Variants in ARNT2 observed in about 807,000 individuals in gnomAD.
The protein encoded by ARNT2 is aryl hydrocarbon receptor nuclear translocator 2.
In ARNT2, 36 loss-of-function variants were observed where a neutral mutation model predicts 91.7. That is an observed-to-expected ratio of 0.39 (90% CI 0.30 to 0.52). The LOEUF (loss-of-function observed/expected upper bound fraction) is 0.52, where lower values mean the gene tolerates loss of function less well. Ranked by LOEUF, ARNT2 falls within the 20% of genes least tolerant of loss-of-function variation. The pLI, the probability that ARNT2 is intolerant of heterozygous loss-of-function variation, is 0.72. For synonymous variants in ARNT2, 365 were observed against 347.1 expected (o/e 1.05, Z -0.57); for missense variants, 775 against 939.3 (o/e 0.83, Z 2.29).
chr15:80,458,829 C>T (rs1896514853), intron 3 of ARNT2, among the ~76,000 whole-genome samples: 1 of 152,176 alleles, frequency 6.6e-6, no homozygotes, highest in Admixed American at 6.6e-5. Flanking sequence ...GCCTCCAAGC[C>T]TTCCTAATTC....
At chr15:80,551,396 G>A (rs1455053439) in intron 9 of ARNT2, 121 bp downstream of exon 9, 23 of 930,152 alleles carry the variant, frequency 2.5e-5, no homozygotes, top group South Asian at 3.0e-5. Flanking sequence ...GTTGGGTTTC[G>A]TGTCTCACTC....
intron 10 of ARNT2, among the ~76,000 whole-genome samples, chr15:80,554,386 G>C (rs934862807): frequency 6.6e-6 from 1 of 152,058 alleles, no homozygotes; most frequent in African/African-American, 2.4e-5. Flanking sequence ...TCCAGCCTGG[G>C]GGACAAGAGT....
intron 5 of ARNT2, among the ~76,000 whole-genome samples, chr15:80,500,337 A>G (rs1897173793): frequency 6.6e-6 from 1 of 152,220 alleles, no homozygotes; most frequent in South Asian, 2.1e-4. Flanking sequence ...ATTGTCCTTC[A>G]TGGGGCCATC....
At chr15:80,518,237 A>G (rs749261978) in intron 8 of ARNT2, among the ~76,000 whole-genome samples, 7 of 130,532 alleles carry the variant, frequency 5.4e-5, no homozygotes, top group Non-Finnish European at 1.0e-4. Context: ...TTTCTCTCCT[A>G]CTACCTTTGG....
At chr15:80,587,749 G>A (rs1377803027) in intron 17 of ARNT2, among the ~76,000 whole-genome samples, 9 of 152,166 alleles carry the variant, frequency 5.9e-5, no homozygotes, top group African/African-American at 2.2e-4. Context: ...AATTATCTAG[G>A]CACAGAGAAG....
rs986114934 is a variant in ARNT2 at position 80,472,659 on chromosome 15, G to T, written c.408+2228G>T. On this transcript the variant is annotated intron_variant, in intron 4 of 18. Transcript: ENST00000303329. ...TGCCACTTGGAGGACACAAACTGTG[G>T]TGGTCAGGGCAGGAGCTTCAAGCCT... Among the ~76,000 whole-genome samples the T allele has an allele frequency of 5.9e-5, 9 of 152,212 alleles. 1 individual carries two copies. Among genetic ancestry groups the T allele is most frequent in the Admixed American group, 2.6e-4 (4 of 15,286 alleles).
chr15:80,457,144 A>T (rs1313614893), intron 2 of ARNT2, among the ~76,000 whole-genome samples: 1 of 152,218 alleles, frequency 6.6e-6, no homozygotes, highest in African/African-American at 2.4e-5. Context: ...CATTACAGAG[A>T]CATGATTTTT....
At chr15:80,451,759 A>AC (rs1896396368) in intron 2 of ARNT2, among the ~76,000 whole-genome samples, 1 of 151,772 alleles carries the variant, frequency 6.6e-6, no homozygotes. Context: ...CCAACCAACT[A>AC]CCCCCCAACC....
At position 80,591,396 on chromosome 15, in the gene ARNT2, A is replaced by G. The variant is rs966923770; in HGVS notation, c.1919-172A>G. Among the ~76,000 whole-genome samples the G allele has an allele frequency of 6.6e-6, 1 of 152,138 alleles. No homozygotes were observed. Among genetic ancestry groups the G allele is most frequent in the Admixed American group, 6.5e-5 (1 of 15,278 alleles). ...GGCTCCTGTGTCTCTTATCCACTCC[A>G]TTTATGATCTGTCAGCCAGTGAGAA... On this transcript the variant is annotated intron_variant, in intron 17 of 18. Coordinates refer to ENST00000303329, the MANE Select transcript of ARNT2 (RefSeq NM_014862.4). The surrounding 1 kb of genome is among the most constrained non-coding windows in gnomAD (Gnocchi z 5.1).
intron 8 of ARNT2, among the ~76,000 whole-genome samples, chr15:80,540,899 G>A (rs1897894496): frequency 3.9e-5 from 6 of 152,104 alleles, no homozygotes; most frequent in Admixed American, 3.9e-4. Context: ...GTCCACTCTA[G>A]ATGGGCACCT....
At position 80,591,719 on chromosome 15, in the gene ARNT2, C is replaced by T. The variant is rs747073512; in HGVS notation, c.2055+15C>T. On this transcript the variant is annotated intron_variant, in intron 18 of 18. Transcript: ENST00000303329. The surrounding 1 kb of genome is among the most constrained non-coding windows in gnomAD (Gnocchi z 5.1). Reference sequence around the variant, plus strand: ...AAGTGTTCCAGGTAAATCGAGCGAGCACCGCCTTCTCGTAGGTACCGGCGC... The same window carrying T: ...AAGTGTTCCAGGTAAATCGAGCGAGTACCGCCTTCTCGTAGGTACCGGCGC... The T allele has an allele frequency of 6.2e-7, 1 of 1,613,670 alleles. No homozygotes were observed. Among genetic ancestry groups the T allele is most frequent in the East Asian group, 2.2e-5 (1 of 44,836 alleles).
chr15:80,470,472 T>C lies in ARNT2; in HGVS notation c.408+41T>C, dbSNP rs1355344357. On this transcript the variant is annotated intron_variant, in intron 4 of 18. Coordinates refer to ENST00000303329, the MANE Select transcript of ARNT2 (RefSeq NM_014862.4). The stretch of plus-strand genomic sequence containing the variant: ...CATCACCATTGGAAAGCGGGGGGAA[T>C]CCCAGCGTCACCAAGACGAAATAAA... 3 of 1,597,022 alleles carry C rather than the reference T, an allele frequency of 1.9e-6. No homozygotes were observed. In the African/African-American group the frequency reaches 4.0e-5, roughly 21 times the overall value.
chr15:80,501,315 TGC>T (rs1897189818), intron 5 of ARNT2, among the ~76,000 whole-genome samples: 1 of 152,184 alleles, frequency 6.6e-6, no homozygotes, highest in Admixed American at 6.5e-5. Context: ...CTTGAGTTTA[TGC>T]TAAGTGACAT....
intron 2 of ARNT2, among the ~76,000 whole-genome samples, chr15:80,455,044 T>C (rs1896461306): frequency 6.6e-6 from 1 of 152,142 alleles, no homozygotes; most frequent in Admixed American, 6.5e-5. Context: ...TAGAGACACA[T>C]ACAAGATATA....
chr15:80,491,796 C>A, intron 5 of ARNT2, among the ~76,000 whole-genome samples: 1 of 67,590 alleles, frequency 1.5e-5, no homozygotes, highest in South Asian at 5.2e-4. Flanking sequence ...CAGGACAGGC[C>A]TTTTTTTTTT....
chr15:80,548,738 T>A (rs890652408), intron 8 of ARNT2, among the ~76,000 whole-genome samples: 1 of 152,116 alleles, frequency 6.6e-6, no homozygotes, highest in Middle Eastern at 3.2e-3. Flanking sequence ...AAAACAGTCC[T>A]GAAAGACACA....
chr15:80,453,684 T>A (rs1232856438), intron 2 of ARNT2, among the ~76,000 whole-genome samples: 1 of 152,172 alleles, frequency 6.6e-6, no homozygotes, highest in Non-Finnish European at 1.5e-5. Context: ...TCCTGTGCCA[T>A]GGCACGCATT....
At chr15:80,424,833 G>T (rs75976392) in intron 1 of ARNT2, among the ~76,000 whole-genome samples, 3,508 of 151,722 alleles carry the variant, frequency 0.023, 49 homozygotes, top group Non-Finnish European at 0.036. Flanking sequence ...TACCAGTTCA[G>T]GCTTCCGGCA....
chr15:80,494,328 G>A (rs1897096871), intron 5 of ARNT2, among the ~76,000 whole-genome samples: 1 of 152,110 alleles, frequency 6.6e-6, no homozygotes, highest in African/African-American at 2.4e-5. Context: ...AACTGCGAAG[G>A]AGGGAAGGCA....
Sources: allele counts gnomAD v4.1 joint callset (sites outside exome capture counted in the v4.1 genomes callset), GRCh38; gene constraint gnomAD v4.1.1; non-coding constraint Gnocchi (gnomAD v3.1); transcripts MANE v1.5; gene names NCBI Gene and HGNC (gene_info 2026-07-23, HGNC 2026-07-21).